The following LATS2 variants were observed in gnomAD, a reference collection of about 807,000 sequenced individuals.
LATS2 encodes the protein large tumor suppressor kinase 2.
A neutral mutation model predicts 76.0 loss-of-function variants in LATS2; 24 were observed. The ratio of observed to expected loss-of-function variants is 0.32; its 90% confidence interval spans 0.23 to 0.44. The LOEUF (loss-of-function observed/expected upper bound fraction) is 0.44. Among genes scored for constraint, LATS2 ranks in the 20% least tolerant of loss-of-function variants. LATS2 has a pLI of 1.00. For synonymous variants in LATS2, 692 were observed against 635.4 expected (o/e 1.09, Z -1.34); for missense variants, 1,286 against 1,481.2 (o/e 0.87, Z 2.16).
Position 20,981,454 on chromosome 13 carries a change from T to C in LATS2, c.2665+12A>G. 1.2e-6 allele frequency: 2 copies of C among 1,606,990 alleles called. No individual in the cohort carries two copies. Among genetic ancestry groups the C allele is most frequent in the South Asian group, 1.1e-5 (1 of 90,438 alleles). ...AGACCTCCTGCGGGGTGGCTGGCCA[T>C]GGCGCATGTACCTTTGCGGAGGAGC... On this transcript the variant is annotated intron_variant, in intron 6 of 7. Transcript: ENST00000382592.
At chr13:21,051,948 C>A (rs183063631) in intron 1 of LATS2, among the ~76,000 whole-genome samples, 1 of 152,224 alleles carries the variant, frequency 6.6e-6, no homozygotes, top group East Asian at 1.9e-4. Flanking sequence ...CAGAGCAAGA[C>A]CCTGTTTAAA....
At chr13:21,013,760 GT>G (rs1473021079) in intron 2 of LATS2, among the ~76,000 whole-genome samples, 1 of 152,146 alleles carries the variant, frequency 6.6e-6, no homozygotes, top group African/African-American at 2.4e-5. Context: ...GAGGCCTGGA[GT>G]TTGAGGCCAT....
Position 20,988,901 on chromosome 13 carries a change from G to A in LATS2, c.879C>T (p.Gly293=), listed in dbSNP as rs1416074819. 6.5e-7 allele frequency: 1 copy of A among 1,534,458 alleles called. No individual in the cohort carries two copies. Among genetic ancestry groups the A allele is most frequent in the South Asian group, 1.2e-5 (1 of 82,794 alleles). ...TGGYASLPTK[G]QGGPPGAGLA... ...GGCCGGCGCCTGGCGGTCCTCCCTG[G>A]CCCTTCGTGGGCAGGCTGGCGTAAC... Residue 293 remains glycine (G), a synonymous_variant, in exon 4 of 8, where the codon GGC becomes GGT. Coordinates refer to ENST00000382592, the MANE Select transcript of LATS2 (RefSeq NM_014572.3).
chr13:20,985,733 G>A (rs1461516928), intron 4 of LATS2, among the ~76,000 whole-genome samples: 7 of 144,572 alleles, frequency 4.8e-5, no homozygotes, highest in African/African-American at 1.3e-4. Flanking sequence ...GCAAGACTCC[G>A]TCTTAATTAA....
At chr13:21,054,476 G>A (rs905553156) in intron 1 of LATS2, among the ~76,000 whole-genome samples, 1 of 152,116 alleles carries the variant, frequency 6.6e-6, no homozygotes, top group African/African-American at 2.4e-5. Flanking sequence ...CCTAGGGACT[G>A]GGTAGGATAT....
intron 2 of LATS2, among the ~76,000 whole-genome samples, chr13:20,992,375 C>T (rs1236049278): frequency 1.3e-5 from 2 of 152,038 alleles, no homozygotes; most frequent in Non-Finnish European, 2.9e-5. Context: ...AGGCTGGGGG[C>T]GGCTGTGGGT....
chr13:20,984,938 A>G (rs1410010048), intron 4 of LATS2, among the ~76,000 whole-genome samples: 4 of 152,230 alleles, frequency 2.6e-5, no homozygotes. Context: ...ACTGCATGGT[A>G]TTGGTATAAA....
rs1873067965 is a variant in LATS2, at chr13:21,046,100, A to C, written c.-74T>G. Reference sequence around the variant, plus strand: ...TTATTATTTAAAAAAAAAAACTGTCAATAGTATCAGTTTGTTGTAAACATA... The same window carrying C: ...TTATTATTTAAAAAAAAAAACTGTCCATAGTATCAGTTTGTTGTAAACATA... On this transcript the variant is annotated 5_prime_UTR_variant, in exon 2 of 8. In the 5' UTR this introduces an upstream ATG that the reference lacks. Coordinates refer to ENST00000382592, the MANE Select transcript of LATS2 (RefSeq NM_014572.3). 8 of 996,750 alleles carry C rather than the reference A, an allele frequency of 8.0e-6. No individual in the cohort carries two copies. In the South Asian group the frequency reaches 8.6e-5, roughly 11 times the overall value. The allele number at this position is 996,750 out of a possible 1,614,324, so 61.7% of individuals were successfully genotyped here. A position where few individuals can be genotyped will look rare whatever the true frequency, so the allele number is the denominator to read the frequency against.
chr13:21,013,412 T>G (rs1402591618), intron 2 of LATS2, among the ~76,000 whole-genome samples: 1 of 152,140 alleles, frequency 6.6e-6, no homozygotes, highest in Non-Finnish European at 1.5e-5. Context: ...AAAGTAAAAA[T>G]TAGTGTTTGC....
chr13:21,050,594 A>C (rs1033345918), intron 1 of LATS2, among the ~76,000 whole-genome samples: 4 of 152,184 alleles, frequency 2.6e-5, no homozygotes, highest in African/African-American at 9.7e-5. Context: ...ATACACCATA[A>C]CTTATGCATC....
intron 2 of LATS2, among the ~76,000 whole-genome samples, chr13:21,020,269 A>G (rs148472236): frequency 1.4e-3 from 212 of 152,322 alleles, no homozygotes; most frequent in Non-Finnish European, 2.4e-3. Flanking sequence ...AGCCAAGTGA[A>G]TATCTGAAAG....
chr13:20,996,339 G>A (rs891223273), intron 2 of LATS2, among the ~76,000 whole-genome samples: 3 of 151,074 alleles, frequency 2.0e-5, no homozygotes, highest in Non-Finnish European at 4.4e-5. Context: ...ATCCAGTCCA[G>A]AAGCATTTTT....
At chr13:20,982,673 G>A (rs183353117) in intron 5 of LATS2, among the ~76,000 whole-genome samples, 99 of 152,082 alleles carry the variant, frequency 6.5e-4, no homozygotes, top group African/African-American at 2.0e-3. Flanking sequence ...CAAAGGCCCC[G>A]TGACACCTTG....
rs1422429362 is a variant in LATS2, at chr13:20,991,715, G to A, written c.343-311C>T. ...TTCTCCTCAGAAAACTTTTGTGGTT[G>A]GACTGGTGAGTTCAGGATGAACCTA... On this transcript the variant is annotated intron_variant, in intron 2 of 7. Transcript: ENST00000382592. This position sits in a 1 kb window ranked among gnomAD's most constrained non-coding sequence, Gnocchi z 4.9. 6.6e-6 allele frequency among the ~76,000 whole-genome samples: 1 copy of A among 152,176 alleles called. No individual in the cohort carries two copies. The highest frequency in any genetic ancestry group is 2.4e-5 in the African/African-American group (1 of 41,446).
intron 2 of LATS2, among the ~76,000 whole-genome samples, chr13:21,035,850 C>A (rs900194017): frequency 6.6e-6 from 1 of 152,194 alleles, no homozygotes; most frequent in Non-Finnish European, 1.5e-5. Flanking sequence ...GCGCCACTCA[C>A]AAAGGTAAGT....
intron 2 of LATS2, among the ~76,000 whole-genome samples, chr13:21,016,247 A>C (rs575151903): frequency 1.3e-5 from 2 of 152,042 alleles, no homozygotes; most frequent in African/African-American, 4.8e-5. Context: ...TTGGCCTCCC[A>C]AAGTGCTGGG....
At chr13:20,999,393 T>C (rs1282667829) in intron 2 of LATS2, among the ~76,000 whole-genome samples, 5 of 152,262 alleles carry the variant, frequency 3.3e-5, no homozygotes, top group African/African-American at 1.2e-4. Flanking sequence ...GTTTTGTTTT[T>C]GTTTTGTGTA....
At chr13:20,992,810 GT>G (rs1870562786) in intron 2 of LATS2, among the ~76,000 whole-genome samples, 1 of 152,172 alleles carries the variant, frequency 6.6e-6, no homozygotes, top group South Asian at 2.1e-4. Flanking sequence ...GCCGAGGCAG[GT>G]GGATCAAGAG....
chr13:20,991,959 A>C lies in LATS2; in HGVS notation c.343-555T>G, dbSNP rs1247484716. Among the ~76,000 whole-genome samples the C allele has an allele frequency of 6.6e-6, 1 of 152,214 alleles. No homozygotes were observed. The highest frequency in any genetic ancestry group is 1.9e-4 in the East Asian group (1 of 5,194). ...AGAGATCTGACTCGTAGAAGAAAGA[A>C]AGGAGACAAAACAGGGGCCCATGGA... On this transcript the variant is annotated intron_variant, in intron 2 of 7. Coordinates refer to ENST00000382592, the MANE Select transcript of LATS2 (RefSeq NM_014572.3). The surrounding 1 kb of genome is among the most constrained non-coding windows in gnomAD (Gnocchi z 4.9).
Sources: allele counts gnomAD v4.1 joint callset (sites outside exome capture counted in the v4.1 genomes callset), GRCh38; gene constraint gnomAD v4.1.1; non-coding constraint Gnocchi (gnomAD v3.1); transcripts MANE v1.5; gene names NCBI Gene and HGNC (gene_info 2026-07-23, HGNC 2026-07-21).